The following CDKL3 variants were observed in gnomAD, a reference collection of about 807,000 sequenced individuals.
The protein encoded by CDKL3 is cyclin dependent kinase like 3.
A neutral mutation model predicts 69.3 loss-of-function variants in CDKL3; 65 were observed. The observed-to-expected ratio is 0.94, with a 90% CI of 0.77 to 1.15. The LOEUF is 1.15. CDKL3 is among the 50% of genes most tolerant of loss of function. The probability of loss-of-function intolerance (pLI) is 0.00; values close to 1 mark genes in which losing one functional copy is unlikely to be tolerated. For missense variants in CDKL3, 652 were observed against 689.2 expected (o/e 0.95, Z 0.61); for synonymous variants, 202 against 221.6 (o/e 0.91, Z 0.79).
intron 3 of CDKL3, among the ~76,000 whole-genome samples, chr5:134,353,813 C>G (rs1023910316): frequency 2.0e-5 from 3 of 152,160 alleles, no homozygotes; most frequent in African/African-American, 7.2e-5. Context: ...CCGCCTCGGC[C>G]TCCCAAAGTG....
chr5:134,366,633 CCA>C (rs1426384482), intron 1 of CDKL3, 89 bp from the exon 2 acceptor site: 5 of 819,190 alleles, frequency 6.1e-6, no homozygotes, highest in East Asian at 6.0e-5. Flanking sequence ...CACAATAAAC[CCA>C]CAGTCTCAAA....
At position 134,366,445 on chromosome 5, in the gene CDKL3, C is replaced by T; in HGVS notation, c.79G>A (p.Gly27Arg). The T allele has an allele frequency of 6.2e-7, 1 of 1,608,090 alleles. No homozygotes were observed. The highest frequency in any genetic ancestry group is 8.5e-7 in the Non-Finnish European group (1 of 1,177,028). ...AATATCTTAATGGCCACTATCTGCC[C>T]AGTATTCTTATGTTTACATTTCATG... ...TVMKCKHKNT[G>R]QIVAIKIFYE... The change falls in exon 2 of 13, where the codon GGG becomes AGG. Residue 27 changes from glycine to arginine, a missense_variant. Transcript: ENST00000265334.
At position 134,321,896 on chromosome 5, in the gene CDKL3, C is replaced by T. The variant is rs1485814637; in HGVS notation, c.547G>A (p.Asp183Asn). 1.3e-6 allele frequency: 2 copies of T among 1,589,494 alleles called. No homozygotes were observed. Among genetic ancestry groups the T allele is most frequent in the African/African-American group, 1.3e-5 (1 of 74,438 alleles). ...LKDTSYGKPV[D>N]IWALGCMIIE... Reference sequence around the variant, plus strand: ...ATCATACAGCCCAAAGCCCAGATATCCACAGGTCTGAAACAGATCAGGGAA... The same window carrying T: ...ATCATACAGCCCAAAGCCCAGATATTCACAGGTCTGAAACAGATCAGGGAA... Residue 183 changes from aspartate (D) to asparagine (N), a missense_variant, in exon 5 of 13, where the codon GAT (aspartate) becomes AAT (asparagine). By Grantham distance (23) the Asp-to-Asn change is conservative. Transcript: ENST00000265334.
intron 3 of CDKL3, among the ~76,000 whole-genome samples, chr5:134,352,300 G>A (rs1430262854): frequency 6.9e-6 from 1 of 144,030 alleles, no homozygotes; most frequent in African/African-American, 2.6e-5. Context: ...CACTTAGGTT[G>A]ATTTTTTTTT....
intron 2 of CDKL3, among the ~76,000 whole-genome samples, chr5:134,364,138 T>A (rs1472342164): frequency 3.3e-5 from 5 of 152,122 alleles, no homozygotes; most frequent in Non-Finnish European, 7.3e-5. Context: ...AGGATGTAAA[T>A]AGATTCCAAT....
At position 134,298,504 on chromosome 5, in the gene CDKL3, A is replaced by T; in HGVS notation, c.*147T>A. 30 of 1,430,594 alleles carry T rather than the reference A, an allele frequency of 2.1e-5. No homozygotes were observed. The highest frequency in any genetic ancestry group is 2.7e-5 in the Non-Finnish European group (30 of 1,097,180). 88.6% of individuals were successfully genotyped at this position (1,430,594 alleles called of 1,614,324 possible). ...TCTTAAAAGGGAAAAGAAAACAGTA[A>T]ATGTTTTGCTAACAAAAAAAGCTGG... On this transcript the variant is annotated 3_prime_UTR_variant, in exon 13 of 13. Coordinates refer to ENST00000265334, the MANE Select transcript of CDKL3 (RefSeq NM_001113575.2).
Position 134,298,630 on chromosome 5 carries a change from G to C in CDKL3, c.*21C>G. The stretch of plus-strand genomic sequence containing the variant: ...AAGAGTTGTCATCTTGTATTTTTTG[G>C]ACTATGTAAAAGAAAAGACACTACC... On this transcript the variant is annotated 3_prime_UTR_variant, in exon 13 of 13. Transcript: ENST00000265334. The C allele has an allele frequency of 6.2e-7, 1 of 1,603,614 alleles. No individual in the cohort carries two copies. Among genetic ancestry groups the C allele is most frequent in the South Asian group, 1.1e-5 (1 of 88,282 alleles).
upstream of CDKL3, chr5:134,371,269 C>T (rs1758373087): frequency 4.4e-6 from 2 of 450,488 alleles, no homozygotes; most frequent in Non-Finnish European, 8.1e-6. Context: ...GAATCCACAA[C>T]CTCTAGTCTG....
At chr5:134,283,605 A>G (rs1221929279), downstream of CDKL3, among the ~76,000 whole-genome samples, 1 of 152,162 alleles carries the variant, frequency 6.6e-6, no homozygotes, top group Non-Finnish European at 1.5e-5. Context: ...ATGGGAATTC[A>G]AGATGAGATT....
chr5:134,351,600 C>G (rs1283766800), intron 3 of CDKL3, among the ~76,000 whole-genome samples: 2 of 151,450 alleles, frequency 1.3e-5, no homozygotes, highest in Non-Finnish European at 3.0e-5. Context: ...AGTCCTACAG[C>G]CTACAGTATT....
intron 4 of CDKL3, among the ~76,000 whole-genome samples, chr5:134,339,991 A>G (rs1750065741): frequency 6.6e-6 from 1 of 152,004 alleles, no homozygotes; most frequent in Non-Finnish European, 1.5e-5. Flanking sequence ...GTCTCTGCAA[A>G]AAAATGAACA....
downstream of CDKL3, among the ~76,000 whole-genome samples, chr5:134,295,830 A>G (rs1478718341): frequency 6.6e-6 from 1 of 152,232 alleles, no homozygotes; most frequent in Non-Finnish European, 1.5e-5. Context: ...TATGAAATAG[A>G]ACAAGTCTGT....
At chr5:134,321,930 C>T (rs555853892) in intron 4 of CDKL3, 27 bp from the exon 5 acceptor site, 2 of 1,039,094 alleles carry the variant, frequency 1.9e-6, no homozygotes, top group Non-Finnish European at 2.9e-6. Context: ...AAAAAAAAAT[C>T]ACTTTTTCAT....
At position 134,342,802 on chromosome 5, in the gene CDKL3, T is replaced by C. The variant is rs936481326; in HGVS notation, c.539+7447A>G. 6.6e-5 allele frequency among the ~76,000 whole-genome samples: 10 copies of C among 152,276 alleles called. No individual in the cohort carries two copies. In the Middle Eastern group the frequency reaches 0.02, roughly 311 times the overall value. ...ATTGAGAAGCTGATCTTAAAATTCATATGGAATTGGAAGGGACCTAGAATA... is the reference window on the plus strand; with the variant it reads ...ATTGAGAAGCTGATCTTAAAATTCACATGGAATTGGAAGGGACCTAGAATA... On this transcript the variant is annotated intron_variant, in intron 4 of 12. Transcript: ENST00000265334.
chr5:134,299,645 A>G (rs2149411560), intron 12 of CDKL3: 2 of 1,497,518 alleles, frequency 1.3e-6, no homozygotes, highest in East Asian at 4.9e-5. Flanking sequence ...AGGATTTTTA[A>G]AAAACCATAC....
intron 3 of CDKL3, among the ~76,000 whole-genome samples, chr5:134,358,519 CTTTTCTTTTCCTTTT>C (rs1755178299): frequency 6.8e-6 from 1 of 148,136 alleles, no homozygotes; most frequent in Admixed American, 6.8e-5. Flanking sequence ...TACCAGCTTT[CTTTTCTTTTCCTTTT>C]TTTTCTTTTC....
At chr5:134,303,266 G>A (rs1766818070) in intron 11 of CDKL3, among the ~76,000 whole-genome samples, 1 of 151,832 alleles carries the variant, frequency 6.6e-6, no homozygotes, top group African/African-American at 2.4e-5. Context: ...TAATAGAGAT[G>A]GGGTTTTGCC....
chr5:134,299,384 A>T, intron 12 of CDKL3: 1 of 553,432 alleles, frequency 1.8e-6, no homozygotes, highest in Non-Finnish European at 2.5e-6. Context: ...AAGAATGACC[A>T]CTCATCAAGT....
At chr5:134,339,466 A>C (rs1003637700) in intron 4 of CDKL3, among the ~76,000 whole-genome samples, 3 of 152,156 alleles carry the variant, frequency 2.0e-5, no homozygotes, top group East Asian at 3.9e-4. Context: ...CATAATGATA[A>C]AGGGGGAATC....
Sources: allele counts gnomAD v4.1 joint callset (sites outside exome capture counted in the v4.1 genomes callset), GRCh38; gene constraint gnomAD v4.1.1; transcripts MANE v1.5; gene names NCBI Gene and HGNC (gene_info 2026-07-23, HGNC 2026-07-21).